STK33: variants seen among roughly 807,000 people sequenced by gnomAD.
STK33 encodes serine/threonine-protein kinase 33.
In STK33, 52 loss-of-function variants were observed where a neutral mutation model predicts 58.0. The ratio of observed to expected loss-of-function variants is 0.90; its 90% confidence interval spans 0.72 to 1.13. The LOEUF is 1.13. Among genes scored for constraint, STK33 ranks in the 50% most tolerant of loss-of-function variants. The pLI, the probability that STK33 is intolerant of heterozygous loss-of-function variation, is 0.00. For missense variants in STK33, 630 were observed against 604.2 expected (o/e 1.04, Z -0.45); for synonymous variants, 215 against 200.1 (o/e 1.07, Z -0.63).
At chr11:8,497,550 G>C (rs1033685030) in intron 1 of STK33, among the ~76,000 whole-genome samples, 18 of 152,170 alleles carry the variant, frequency 1.2e-4, no homozygotes, top group African/African-American at 3.1e-4. Context: ...GCTCACTGCA[G>C]CCTTGACCTC....
chr11:8,397,094 T>C (rs1038345034), intron 15 of STK33, among the ~76,000 whole-genome samples: 1 of 152,198 alleles, frequency 6.6e-6, no homozygotes, highest in Non-Finnish European at 1.5e-5. Context: ...TGTCCCTGTC[T>C]GACAGCCTTG....
At chr11:8,401,012 A>G (rs562614037) in intron 15 of STK33, among the ~76,000 whole-genome samples, 2 of 152,338 alleles carry the variant, frequency 1.3e-5, no homozygotes, top group African/African-American at 4.8e-5. Flanking sequence ...ATGGGTAGGA[A>G]GAATCAATAT....
At chr11:8,472,884 T>C in intron 6 of STK33, among the ~76,000 whole-genome samples, 1 of 152,196 alleles carries the variant, frequency 6.6e-6, no homozygotes, top group East Asian at 1.9e-4. Context: ...ACTCCACTAT[T>C]GCTTTCAGCA....
At chr11:8,575,486 A>C (rs960768889) in intron 1 of STK33, among the ~76,000 whole-genome samples, 2 of 152,242 alleles carry the variant, frequency 1.3e-5, no homozygotes, top group African/African-American at 4.8e-5. Context: ...CAATGAAATA[A>C]GTCAGACACA....
chr11:8,573,494 A>G (rs1363116862), intron 1 of STK33, among the ~76,000 whole-genome samples: 1 of 152,248 alleles, frequency 6.6e-6, no homozygotes, highest in East Asian at 1.9e-4. Context: ...CATGTACAAT[A>G]GTACAGCCAC....
intron 6 of STK33, among the ~76,000 whole-genome samples, chr11:8,470,062 G>C (rs1248485402): frequency 6.6e-6 from 1 of 152,214 alleles, no homozygotes; most frequent in East Asian, 1.9e-4. Flanking sequence ...AGCTTCATTA[G>C]TCACTAACAG....
intron 14 of STK33, among the ~76,000 whole-genome samples, chr11:8,432,102 G>C (rs1943491009): frequency 6.6e-6 from 1 of 152,174 alleles, no homozygotes; most frequent in African/African-American, 2.4e-5. Context: ...GGGCACACGT[G>C]CGTGTACACA....
At chr11:8,420,141 A>C (rs1941704209) in intron 14 of STK33, among the ~76,000 whole-genome samples, 1 of 152,166 alleles carries the variant, frequency 6.6e-6, no homozygotes, top group African/African-American at 2.4e-5. Context: ...CATGACTAAT[A>C]ATCAATGTAA....
the STK33 span, among the ~76,000 whole-genome samples, chr11:8,361,133 A>C: frequency 1.3e-5 from 2 of 152,232 alleles, no homozygotes; most frequent in East Asian, 3.9e-4. This position sits in a 1 kb window ranked among gnomAD's most constrained non-coding sequence, Gnocchi z 4.8. Flanking sequence ...CCATTATCCC[A>C]CCTAACAGTG....
intron 1 of STK33, among the ~76,000 whole-genome samples, chr11:8,555,336 A>G (rs1449640954): frequency 6.6e-6 from 1 of 152,124 alleles, no homozygotes; most frequent in Non-Finnish European, 1.5e-5. Context: ...CAGGGTGACT[A>G]TAGTCAGTAA....
At chr11:8,421,155 T>C (rs529729044) in intron 14 of STK33, among the ~76,000 whole-genome samples, 1 of 152,334 alleles carries the variant, frequency 6.6e-6, no homozygotes, top group African/African-American at 2.4e-5. Context: ...GACAAGCTAA[T>C]CCATCATTTC....
At chr11:8,553,201 G>A (rs1224199044) in intron 1 of STK33, among the ~76,000 whole-genome samples, 2,772 of 59,956 alleles carry the variant, frequency 0.046, 108 homozygotes, top group East Asian at 0.057. Context: ...TATATATGGT[G>A]TATATATATA....
At chr11:8,407,281 T>C (rs1939398499) in intron 15 of STK33, among the ~76,000 whole-genome samples, 1 of 152,128 alleles carries the variant, frequency 6.6e-6, no homozygotes, top group Non-Finnish European at 1.5e-5. Flanking sequence ...GTCTATAATT[T>C]ATGAGAGATA....
chr11:8,571,882 TA>T (rs371424219), intron 1 of STK33, among the ~76,000 whole-genome samples: 4,013 of 50,942 alleles, frequency 0.079, 241 homozygotes, highest in Middle Eastern at 0.12. Flanking sequence ...TTTACCACAA[TA>T]AAAAAAAAAT....
chr11:8,408,072 A>G (rs998947910), intron 15 of STK33, among the ~76,000 whole-genome samples: 1 of 152,258 alleles, frequency 6.6e-6, no homozygotes, highest in Non-Finnish European at 1.5e-5. Context: ...CTGGATAAAT[A>G]TAAGAAATTT....
At position 8,454,744 on chromosome 11, in the gene STK33, CTTTATG is replaced by C. The variant is rs1396113880; in HGVS notation, c.780_785del (p.Asn260_Ile261del). On this transcript the variant is annotated inframe_deletion and splice_region_variant, in exon 10 of 16. Transcript: ENST00000687296. ...TATTTACCACCATTGCTAATCTTAC[CTTTATG>C]TTTAAGTTTATTTCATTGTTATCAT... The C allele has an allele frequency of 1.9e-6, 3 of 1,566,510 alleles. No homozygotes were observed. The highest frequency in any genetic ancestry group is 3.8e-5 in the Admixed American group (2 of 53,168).
In STK33 at chr11:8,408,220, A is replaced by T. The variant is rs149018355; in HGVS notation, c.1344+5275T>A. On this transcript the variant is annotated intron_variant, in intron 15 of 15. Transcript: ENST00000687296. ...GGTAGGGTAAGAGATAAATGGACCC[A>T]AATTAATACATTTGAAATTGAAGCA... is the stretch of plus-strand genomic sequence containing the variant. 2.9e-3 allele frequency among the ~76,000 whole-genome samples: 436 copies of T among 152,336 alleles called. 5 individuals carry two copies. In the Middle Eastern group the frequency reaches 0.031, roughly 11 times the overall value.
intron 1 of STK33, among the ~76,000 whole-genome samples, chr11:8,583,956 C>G (rs2030955863): frequency 6.6e-6 from 1 of 152,006 alleles, no homozygotes; most frequent in Non-Finnish European, 1.5e-5. Flanking sequence ...ATAACGAATA[C>G]AGCTATTACA....
At chr11:8,580,327 G>A (rs1209062574) in intron 1 of STK33, among the ~76,000 whole-genome samples, 1 of 152,140 alleles carries the variant, frequency 6.6e-6, no homozygotes, top group Non-Finnish European at 1.5e-5. Context: ...AACATGGATG[G>A]AACTGGAGGT....
Sources: gnomAD v4.1 joint callset for allele counts (sites outside exome capture counted in the v4.1 genomes callset) on GRCh38, gnomAD v4.1.1 for gene constraint, Gnocchi (gnomAD v3.1) non-coding constraint, MANE v1.5 for transcripts, NCBI Gene and HGNC (gene_info 2026-07-23, HGNC 2026-07-21) for gene names.